BCAP29: variants seen among roughly 807,000 people sequenced by gnomAD.
The protein encoded by BCAP29 is B-cell receptor-associated protein 29.
In BCAP29, 34 loss-of-function variants were observed where a neutral mutation model predicts 31.8. The ratio of observed to expected loss-of-function variants is 1.07; its 90% CI spans 0.81 to 1.42. The LOEUF (loss-of-function observed/expected upper bound fraction) is 1.42, where lower values mean the gene tolerates loss of function less well. BCAP29 is among the 40% of genes most tolerant of loss of function. The pLI, the probability that BCAP29 is intolerant of heterozygous loss-of-function variation, is 0.00. For synonymous variants in BCAP29, 104 were observed against 91.3 expected, an observed-to-expected ratio of 1.14 and a Z score of -0.79; for missense variants, 314 against 269.2, an observed-to-expected ratio of 1.17 and a Z score of -1.16.
chr7:107,580,391 C>G (rs1259181061), intron 1 of BCAP29, 90 bp downstream of exon 1: 2 of 214,042 alleles, frequency 9.3e-6, no homozygotes, highest in South Asian at 7.0e-5. Flanking sequence ...GCGGAGCTGG[C>G]CTGGCCCGAC....
At chr7:107,615,322 A>G (rs1323468511) in intron 7 of BCAP29, 1 of 456,524 alleles carries the variant, frequency 2.2e-6, no homozygotes, top group African/African-American at 2.0e-5. Flanking sequence ...TTCCTGGCTG[A>G]GCGTGGTGGC....
chr7:107,584,247 T>C (rs1022197408), intron 3 of BCAP29, among the ~76,000 whole-genome samples: 3 of 152,220 alleles, frequency 2.0e-5, no homozygotes. Context: ...ATGCATACCT[T>C]GCTGTTCAGA....
chr7:107,616,775 G>A (rs560701955), intron 7 of BCAP29, among the ~76,000 whole-genome samples: 2 of 152,018 alleles, frequency 1.3e-5, no homozygotes, highest in Non-Finnish European at 2.9e-5. Context: ...GTCTCACTCT[G>A]TCACCAAGAC....
intron 6 of BCAP29, among the ~76,000 whole-genome samples, chr7:107,610,327 C>G (rs114917623): frequency 0.025 from 3,860 of 152,256 alleles, 154 homozygotes; most frequent in African/African-American, 0.088. Flanking sequence ...AAGAAAATTG[C>G]AGTAGCAACT....
At chr7:107,590,187 G>A (rs990474725) in intron 3 of BCAP29, among the ~76,000 whole-genome samples, 8 of 151,864 alleles carry the variant, frequency 5.3e-5, no homozygotes, top group African/African-American at 1.5e-4. Context: ...ATTTAAAATC[G>A]GTGATTTTAG....
rs200606040 is a variant in BCAP29 at position 107,594,330 on chromosome 7, G to T, written c.344+225G>T. ...CAACCTCTCATTTCTAGGACTACAG[G>T]CGGCACACCACCATGTAGGGCTAAT... On this transcript the variant is annotated intron_variant, in intron 4 of 7. Coordinates refer to ENST00000005259, the MANE Select transcript of BCAP29 (RefSeq NM_018844.4). 216 of 499,810 alleles carry T rather than the reference G, an allele frequency of 4.3e-4. 2 individuals are homozygous for T. In the East Asian group the frequency reaches 6.4e-3, roughly 15 times the overall value. The allele number at this position is 499,810 out of a possible 1,614,324, so 31.0% of individuals were successfully genotyped here. A position where few individuals can be genotyped will look rare whatever the true frequency, so the allele number is the denominator to read the frequency against.
At chr7:107,592,710 A>G (rs780439578) in intron 3 of BCAP29, among the ~76,000 whole-genome samples, 8 of 152,238 alleles carry the variant, frequency 5.3e-5, no homozygotes, top group Non-Finnish European at 1.0e-4. Flanking sequence ...TAGATAAACC[A>G]AATGTTACCA....
At chr7:107,611,977 T>C (rs991881725) in intron 6 of BCAP29, among the ~76,000 whole-genome samples, 2 of 152,294 alleles carry the variant, frequency 1.3e-5, no homozygotes, top group African/African-American at 4.8e-5. Context: ...GATGTAGAAC[T>C]ATGTAGAACA....
At chr7:107,603,560 T>C (rs1811550925) in intron 6 of BCAP29, 2 of 151,704 alleles carry the variant, frequency 1.3e-5, no homozygotes, top group Admixed American at 1.3e-4. Flanking sequence ...GCCTTTCTTC[T>C]GTTTGTTCCT....
Position 107,613,532 on chromosome 7 carries a change from ACTT to A in BCAP29, c.690+101_690+103del. On this transcript the variant is annotated intron_variant, in intron 7 of 7. Transcript: ENST00000005259. ...TGTCCTTAACTAATCAAGATGATGT[ACTT>A]AATCCTGGCTTTGTTAAACGATTTA... 3 of 1,310,552 alleles carry A rather than the reference ACTT, an allele frequency of 2.3e-6. No homozygotes were observed. In the Admixed American group the frequency reaches 5.9e-5, roughly 26 times the overall value. The allele number at this position is 1,310,552 out of a possible 1,614,324, so 81.2% of individuals were successfully genotyped here.
Position 107,618,480 on chromosome 7 carries a change from C to A in BCAP29, c.*117C>A. 6.2e-7 allele frequency: 1 copy of A among 1,612,132 alleles called. No individual in the cohort carries two copies. The highest frequency in any genetic ancestry group is 1.1e-5 in the South Asian group (1 of 90,930). ...TGACCGGTTCGTAATTTTTTTAATG[C>A]CACACATAGGTTGTATTGTAATGGC... On this transcript the variant is annotated 3_prime_UTR_variant, in exon 8 of 8. Transcript: ENST00000005259.
chr7:107,588,304 A>G (rs1808075778), intron 3 of BCAP29, among the ~76,000 whole-genome samples: 1 of 151,684 alleles, frequency 6.6e-6, no homozygotes, highest in African/African-American at 2.4e-5. Flanking sequence ...ATTTTGGAGT[A>G]TGGAAATGTG....
At chr7:107,603,767 G>A (rs1012771725) in intron 6 of BCAP29, among the ~76,000 whole-genome samples, 9 of 151,624 alleles carry the variant, frequency 5.9e-5, no homozygotes, top group African/African-American at 1.7e-4. Context: ...CACCATGCCC[G>A]CCTAATTTTT....
intron 5 of BCAP29, 129 bp downstream of exon 5, chr7:107,596,131 A>T (rs1338158105): frequency 4.0e-6 from 3 of 755,102 alleles, no homozygotes; most frequent in East Asian, 6.3e-5. Flanking sequence ...ACAATATTTT[A>T]TGTAATGATT....
rs1806447755 is a variant in BCAP29, at chr7:107,580,645, G to C, written c.-14-114G>C. The C allele has an allele frequency of 7.2e-6, 5 of 694,542 alleles. No individual in the cohort carries two copies. The South Asian group carries it at 7.4e-5, about 10-fold the overall frequency. 43.0% of individuals were successfully genotyped at this position (694,542 alleles called of 1,614,324 possible). A position where few individuals can be genotyped will look rare whatever the true frequency, so the allele number is the denominator to read the frequency against. On this transcript the variant is annotated intron_variant, in intron 1 of 7. Coordinates refer to ENST00000005259, the MANE Select transcript of BCAP29 (RefSeq NM_018844.4). ...ACCGGGGTCCGTGCTTGCCTTCCCA[G>C]GTGGGGGAAGGTGGAACACTGTCCA...
chr7:107,590,654 C>T (rs1247633868), intron 3 of BCAP29, among the ~76,000 whole-genome samples: 1 of 151,688 alleles, frequency 6.6e-6, no homozygotes, highest in Non-Finnish European at 1.5e-5. Context: ...CCCGTCTCTA[C>T]CAGAAAGTAC....
At chr7:107,599,521 T>TA (rs397943714) in intron 5 of BCAP29, among the ~76,000 whole-genome samples, 15,315 of 131,634 alleles carry the variant, frequency 0.12, 2,075 homozygotes, top group African/African-American at 0.33. Flanking sequence ...CCCTGTTTCT[T>TA]AAAAAAAAAA....
At chr7:107,592,368 A>C (rs2129229952) in intron 3 of BCAP29, among the ~76,000 whole-genome samples, 1 of 152,364 alleles carries the variant, frequency 6.6e-6, no homozygotes, top group East Asian at 1.9e-4. Flanking sequence ...AGAGAAATGC[A>C]AATAAAAACC....
intron 4 of BCAP29, chr7:107,594,333 G>T (rs149109258): frequency 4.1e-6 from 2 of 492,142 alleles, no homozygotes; most frequent in East Asian, 3.5e-5. Context: ...ACTACAGGCG[G>T]CACACCACCA....
Sources: gnomAD v4.1 joint callset for allele counts (sites outside exome capture counted in the v4.1 genomes callset) on GRCh38, gnomAD v4.1.1 for gene constraint, MANE v1.5 for transcripts, NCBI Gene and HGNC (gene_info 2026-07-23, HGNC 2026-07-21) for gene names.